GFRA3: variants seen among roughly 807,000 people sequenced by gnomAD.
GFRA3 encodes GDNF family receptor alpha 3.
GFRA3 carries 24 observed loss-of-function variants against 40.0 expected under a neutral mutation model. The observed-to-expected ratio is 0.60, with a 90% CI of 0.43 to 0.84. The LOEUF is 0.84. Ranked by LOEUF, GFRA3 falls within the 40% of genes least tolerant of loss-of-function variation. The pLI is 0.00. For synonymous variants in GFRA3, 203 were observed against 213.5 expected (o/e 0.95, Z 0.43); for missense variants, 405 against 530.6 (o/e 0.76, Z 2.33).
At chr5:138,265,899 T>A (rs375135804) in intron 1 of GFRA3, among the ~76,000 whole-genome samples, 3 of 152,144 alleles carry the variant, frequency 2.0e-5, no homozygotes, top group Admixed American at 6.5e-5. Context: ...TTTCATCACG[T>A]TGGCCAGACT....
intron 4 of GFRA3, among the ~76,000 whole-genome samples, chr5:138,256,888 A>G (rs1160064620): frequency 6.7e-6 from 1 of 150,274 alleles, no homozygotes; most frequent in Non-Finnish European, 1.5e-5. Flanking sequence ...CAGTGGTTGC[A>G]GTGAGCCAAG....
rs375456996 is a variant in GFRA3 at position 138,257,762 on chromosome 5, G to A, written c.662C>T (p.Ala221Val). 5 of 1,610,426 alleles carry A rather than the reference G, an allele frequency of 3.1e-6. No individual in the cohort carries two copies. The African/African-American group carries it at 5.3e-5, about 17-fold the overall frequency. The change falls in exon 4 of 8, where the codon GCC becomes GTC. Residue 221 changes from alanine (A) to valine (V), a missense_variant. Coordinates refer to ENST00000274721, the MANE Select transcript of GFRA3 (RefSeq NM_001496.4). ...CTCCCCGCAGCCCCGGTCGTTGGGG[G>A]CACATGGGCACAGTAGCAGGCCCTG... ...HAQGLLLCPC[A>V]PNDRGCGERR...
intron 4 of GFRA3, among the ~76,000 whole-genome samples, chr5:138,256,995 A>T (rs1487326367): frequency 6.6e-6 from 1 of 151,634 alleles, no homozygotes; most frequent in Non-Finnish European, 1.5e-5. Flanking sequence ...AAAAATAAGC[A>T]CTACCATTTA....
intron 5 of GFRA3, 25 bp downstream of exon 5, chr5:138,254,032 T>G (rs1755590249): frequency 6.4e-7 from 1 of 1,565,366 alleles, no homozygotes. Flanking sequence ...AACATAGGGT[T>G]CCCTACACAT....
At chr5:138,270,942 T>C (rs1403688531) in intron 1 of GFRA3, among the ~76,000 whole-genome samples, 1 of 152,182 alleles carries the variant, frequency 6.6e-6, no homozygotes, top group Non-Finnish European at 1.5e-5. Context: ...AAGTGGTAAG[T>C]ACACAAAGAA....
At chr5:138,263,966 A>G (rs966074679) in intron 2 of GFRA3, among the ~76,000 whole-genome samples, 2 of 152,094 alleles carry the variant, frequency 1.3e-5, no homozygotes, top group African/African-American at 2.4e-5. Context: ...TCTCCTGTCC[A>G]TACCCGCTGT....
chr5:138,264,222 T>C, intron 2 of GFRA3, 39 bp downstream of exon 2: 1 of 1,507,296 alleles, frequency 6.6e-7, no homozygotes, highest in Non-Finnish European at 9.0e-7. Context: ...CCAAGAGCCA[T>C]CTTCCCCAGC....
chr5:138,259,791 A>G, intron 2 of GFRA3, 142 bp from the exon 3 acceptor site: 1 of 669,206 alleles, frequency 1.5e-6, no homozygotes, highest in South Asian at 1.6e-5. Flanking sequence ...CAAGCTGTGC[A>G]AAGATGAGAA....
intron 1 of GFRA3, among the ~76,000 whole-genome samples, chr5:138,266,588 G>C (rs907546563): frequency 2.0e-5 from 3 of 152,194 alleles, no homozygotes; most frequent in Non-Finnish European, 4.4e-5. Context: ...CCAGATAAAG[G>C]AATAGAACAT....
chr5:138,257,316 T>A (rs1755646024), intron 4 of GFRA3, among the ~76,000 whole-genome samples: 1 of 152,230 alleles, frequency 6.6e-6, no homozygotes, highest in African/African-American at 2.4e-5. Context: ...ATTCTCAGAA[T>A]GTCTACTTTT....
intron 3 of GFRA3, 65 bp from the exon 4 acceptor site, chr5:138,258,016 AG>A: frequency 7.5e-7 from 1 of 1,335,372 alleles, no homozygotes; most frequent in South Asian, 1.2e-5. Flanking sequence ...CAGGTTCCAC[AG>A]GAACCCCGGA....
intron 6 of GFRA3, 146 bp downstream of exon 6, chr5:138,253,620 G>A (rs1316015419): frequency 2.6e-6 from 2 of 777,406 alleles, no homozygotes; most frequent in Non-Finnish European, 4.2e-6. Context: ...AAAGGCCTGG[G>A]CTATGGCAAT....
chr5:138,268,254 C>T (rs1755814736), intron 1 of GFRA3, among the ~76,000 whole-genome samples: 2 of 111,768 alleles, frequency 1.8e-5, no homozygotes, highest in Non-Finnish European at 3.3e-5. Flanking sequence ...CACTGCACTC[C>T]AGCCTGGGCA....
intron 1 of GFRA3, among the ~76,000 whole-genome samples, chr5:138,266,474 T>C (rs1298491998): frequency 2.0e-5 from 3 of 152,196 alleles, no homozygotes; most frequent in African/African-American, 7.2e-5. Context: ...TACATCTTCC[T>C]TGGAAATAAA....
At chr5:138,257,051 T>C (rs1303946023) in intron 4 of GFRA3, among the ~76,000 whole-genome samples, 1 of 151,964 alleles carries the variant, frequency 6.6e-6, no homozygotes, top group Non-Finnish European at 1.5e-5. Flanking sequence ...TCTACATAAA[T>C]TATGTAATTT....
Position 138,254,151 on chromosome 5 carries a change from C to T in GFRA3, c.795G>A (p.Leu265=). The change falls in exon 5 of 8, where the codon CTG becomes CTA. Residue 265 remains leucine, a synonymous_variant. Coordinates refer to ENST00000274721, the MANE Select transcript of GFRA3 (RefSeq NM_001496.4). ...CFSDPLCRSR[L]VDFQTHCHPM... ...GATGGCAGTGGGTCTGGAAATCCACCAGGCGTGATCTGGAAGAAGGGAAAT... is the reference window on the plus strand; with the variant it reads ...GATGGCAGTGGGTCTGGAAATCCACTAGGCGTGATCTGGAAGAAGGGAAAT... The T allele has an allele frequency of 6.3e-7, 1 of 1,589,080 alleles. No individual in the cohort carries two copies. The highest frequency in any genetic ancestry group is 1.3e-5 in the African/African-American group (1 of 74,384).
chr5:138,271,913 T>TTTTTTTTTTTTGTG (rs59830655), intron 1 of GFRA3, among the ~76,000 whole-genome samples: 1 of 54,328 alleles, frequency 1.8e-5, no homozygotes, highest in Non-Finnish European at 3.5e-5. Flanking sequence ...TTTTTTTTTT[T>TTTTTTTTTTTTGTG]TGTGTGTGTG....
intron 2 of GFRA3, among the ~76,000 whole-genome samples, chr5:138,260,482 T>C (rs1158408356): frequency 1.3e-5 from 2 of 152,072 alleles, no homozygotes; most frequent in Non-Finnish European, 2.9e-5. Context: ...AAAAATGCAA[T>C]GGGGTGCCGG....
In GFRA3 at chr5:138,257,782, G is replaced by C; in HGVS notation, c.642C>G (p.Gly214=). 6.2e-7 allele frequency: 1 copy of C among 1,612,604 alleles called. No homozygotes were observed. Among genetic ancestry groups the C allele is most frequent in the South Asian group, 1.1e-5 (1 of 90,990 alleles). The change falls in exon 4 of 8, where the codon GGC becomes GGG. Residue 214 remains glycine, a synonymous_variant. Coordinates refer to ENST00000274721, the MANE Select transcript of GFRA3 (RefSeq NM_001496.4). The part of the protein sequence containing the change: ...FEKAAEPHAQ[G]LLLCPCAPND... ...TGGGGGCACATGGGCACAGTAGCAG[G>C]CCCTGCGCGTGGGGCTCGGCGGCCT... is the stretch of plus-strand genomic sequence containing the variant.
Sources: allele counts gnomAD v4.1 joint callset (sites outside exome capture counted in the v4.1 genomes callset), GRCh38; gene constraint gnomAD v4.1.1; transcripts MANE v1.5; gene names NCBI Gene and HGNC (gene_info 2026-07-23, HGNC 2026-07-21).